The following KCNJ6 variants were observed in gnomAD, a reference collection of about 807,000 sequenced individuals.
KCNJ6 encodes potassium inwardly rectifying channel subfamily J member 6.
KCNJ6 carries 9 observed loss-of-function variants against 34.2 expected under a neutral mutation model. That is an observed-to-expected ratio of 0.26 (90% CI 0.16 to 0.46). The LOEUF is 0.46. Among genes scored for constraint, KCNJ6 ranks in the 20% least tolerant of loss-of-function variants. KCNJ6 has a pLI of 1.00. For synonymous variants in KCNJ6, 196 were observed against 207.1 expected, an observed-to-expected ratio of 0.95 and a Z score of 0.46; for missense variants, 236 against 531.3, an observed-to-expected ratio of 0.44 and a Z score of 5.46.
At chr21:37,711,362 G>A (rs1203982440) in intron 3 of KCNJ6, among the ~76,000 whole-genome samples, 2 of 152,226 alleles carry the variant, frequency 1.3e-5, no homozygotes, top group East Asian at 1.9e-4. Context: ...AGGTGGCCAT[G>A]TGGGCCTTCC....
chr21:37,756,905 A>G (rs2055031322), intron 2 of KCNJ6, among the ~76,000 whole-genome samples: 1 of 112,638 alleles, frequency 8.9e-6, no homozygotes, highest in Non-Finnish European at 1.9e-5. Flanking sequence ...TCACAGCGTG[A>G]TGATTCCAGC....
intron 2 of KCNJ6, among the ~76,000 whole-genome samples, chr21:37,779,548 A>G (rs1392489938): frequency 1.3e-5 from 2 of 152,124 alleles, no homozygotes; most frequent in Non-Finnish European, 1.5e-5. Flanking sequence ...TGCTTTAGAA[A>G]TTTAGTGCTC....
In KCNJ6 at chr21:37,859,532, A is replaced by AATAT. The variant is rs1314520665; in HGVS notation, c.-27-18824_-27-18823insATAT. Among the ~76,000 whole-genome samples, 95 of 77,710 alleles carry AATAT rather than the reference A, an allele frequency of 1.2e-3. 1 individual carries two copies. Among genetic ancestry groups the AATAT allele is most frequent in the African/African-American group, 6.4e-3 (85 of 13,200 alleles). 51.0% of individuals were successfully genotyped at this position (77,710 alleles called of 152,430 possible). A position where few individuals can be genotyped will look rare whatever the true frequency, so the allele number is the denominator to read the frequency against. The stretch of plus-strand genomic sequence containing the variant: ...ATATATATATATATATATATATATA[A>AATAT]AATACTTAAAAAGCTCTACAGATGA... On this transcript the variant is annotated intron_variant, in intron 1 of 3. Coordinates refer to ENST00000609713, the MANE Select transcript of KCNJ6 (RefSeq NM_002240.5).
chr21:37,856,945 C>T (rs1025626232), intron 1 of KCNJ6, among the ~76,000 whole-genome samples: 3 of 152,044 alleles, frequency 2.0e-5, no homozygotes, highest in East Asian at 1.9e-4. Flanking sequence ...GTAGGAGTAT[C>T]GAATGGTATC....
intron 1 of KCNJ6, among the ~76,000 whole-genome samples, chr21:37,849,763 C>T (rs1044327650): frequency 1.3e-5 from 2 of 152,200 alleles, no homozygotes; most frequent in African/African-American, 4.8e-5. Flanking sequence ...GTGCCCATCC[C>T]CTCTGCACCT....
intron 2 of KCNJ6, among the ~76,000 whole-genome samples, chr21:37,762,534 C>A (rs1388739595): frequency 6.6e-6 from 1 of 152,208 alleles, no homozygotes; most frequent in Non-Finnish European, 1.5e-5. Context: ...TTGCTGGAAG[C>A]AGAGCCCGTT....
At chr21:37,904,543 T>G (rs534580570) in intron 1 of KCNJ6, among the ~76,000 whole-genome samples, 1 of 152,206 alleles carries the variant, frequency 6.6e-6, no homozygotes, top group African/African-American at 2.4e-5. Flanking sequence ...ATCACTATAC[T>G]GAAGTAGTGG....
At chr21:37,657,284 G>A (rs530337631) in intron 3 of KCNJ6, among the ~76,000 whole-genome samples, 3 of 152,286 alleles carry the variant, frequency 2.0e-5, no homozygotes, top group African/African-American at 7.2e-5. Context: ...TGGTTGGGGT[G>A]AACCTACACA....
intron 3 of KCNJ6, among the ~76,000 whole-genome samples, chr21:37,660,341 C>T (rs972273040): frequency 2.0e-5 from 3 of 152,218 alleles, no homozygotes; most frequent in Non-Finnish European, 4.4e-5. Flanking sequence ...CTGTTGGACA[C>T]CCTTCTAATA....
chr21:37,851,015 C>T (rs2123590652), intron 1 of KCNJ6, among the ~76,000 whole-genome samples: 1 of 152,266 alleles, frequency 6.6e-6, no homozygotes, highest in East Asian at 1.9e-4. Flanking sequence ...TCTGTGAAAA[C>T]ACACAGCCTT....
chr21:37,705,643 A>T (rs1469636917), intron 3 of KCNJ6, among the ~76,000 whole-genome samples: 2 of 152,218 alleles, frequency 1.3e-5, no homozygotes, highest in African/African-American at 4.8e-5. Flanking sequence ...GAATGGGGAA[A>T]AAAAGATTTT....
At chr21:37,711,797 A>ACCT (rs370200563) in intron 3 of KCNJ6, among the ~76,000 whole-genome samples, 1 of 142,720 alleles carries the variant, frequency 7.0e-6, no homozygotes, top group Non-Finnish European at 1.5e-5. Context: ...ACTTTCTAGA[A>ACCT]CCCCCCCCCC....
chr21:37,790,309 T>C (rs969060280), intron 2 of KCNJ6, among the ~76,000 whole-genome samples: 3 of 152,080 alleles, frequency 2.0e-5, no homozygotes, highest in Non-Finnish European at 2.9e-5. Flanking sequence ...CAAAGGAAGA[T>C]GAAAAGGAAA....
intron 2 of KCNJ6, among the ~76,000 whole-genome samples, chr21:37,766,323 T>C (rs1019176986): frequency 3.3e-5 from 5 of 152,186 alleles, no homozygotes; most frequent in Non-Finnish European, 5.9e-5. Context: ...TCTCCAGGGT[T>C]TGACATGAAC....
intron 3 of KCNJ6, among the ~76,000 whole-genome samples, chr21:37,637,292 G>A (rs1352351454): frequency 2.0e-5 from 3 of 152,156 alleles, no homozygotes; most frequent in Non-Finnish European, 4.4e-5. Context: ...CTAGGCTCAG[G>A]TTAAAAATCC....
At chr21:37,649,151 AAAAG>A (rs1489605874) in intron 3 of KCNJ6, among the ~76,000 whole-genome samples, 5 of 148,700 alleles carry the variant, frequency 3.4e-5, no homozygotes, top group African/African-American at 5.1e-5. Flanking sequence ...AAAAAAAAAA[AAAAG>A]AAAGAAAAAG....
At chr21:37,681,723 CAT>C (rs1435519347) in intron 3 of KCNJ6, among the ~76,000 whole-genome samples, 1 of 152,200 alleles carries the variant, frequency 6.6e-6, no homozygotes, top group African/African-American at 2.4e-5. Flanking sequence ...GCTGAGTACA[CAT>C]GTGGCTGGTG....
chr21:37,660,336 G>A lies in KCNJ6; in HGVS notation c.947-34852C>T, dbSNP rs146352046. 2.0e-5 allele frequency among the ~76,000 whole-genome samples: 3 copies of A among 152,306 alleles called. No homozygotes were observed. The East Asian group carries it at 5.8e-4, about 29-fold the overall frequency. On this transcript the variant is annotated intron_variant, in intron 3 of 3. Coordinates refer to ENST00000609713, the MANE Select transcript of KCNJ6 (RefSeq NM_002240.5). ...AGAGATAAGAAATATCAGTGCTGTT[G>A]GACACCCTTCTAATAGTGGCATCAT...
intron 2 of KCNJ6, among the ~76,000 whole-genome samples, chr21:37,820,140 C>T (rs1026609548): frequency 3.3e-5 from 5 of 152,148 alleles, no homozygotes; most frequent in African/African-American, 9.7e-5. Flanking sequence ...AGAAAACAAA[C>T]TGCAACTAAT....
Sources: allele counts gnomAD v4.1 joint callset (sites outside exome capture counted in the v4.1 genomes callset), GRCh38; gene constraint gnomAD v4.1.1; transcripts MANE v1.5; gene names NCBI Gene and HGNC (gene_info 2026-07-23, HGNC 2026-07-21).